The following RAD51B variants were observed in gnomAD, a reference collection of about 807,000 sequenced individuals.
RAD51B encodes the protein DNA repair protein RAD51 homolog 2.
In RAD51B, 38 loss-of-function variants were observed where a neutral mutation model predicts 42.2. The observed-to-expected ratio is 0.90, with a 90% CI of 0.70 to 1.18. RAD51B has a LOEUF of 1.18. Ranked by LOEUF, RAD51B falls within the 50% of genes most tolerant of loss-of-function variation. RAD51B has a pLI of 0.00. For synonymous variants in RAD51B, 154 were observed against 145.2 expected (o/e 1.06, Z -0.43); for missense variants, 373 against 400.7 (o/e 0.93, Z 0.59).
At chr14:68,211,869 T>G (rs2079716099) in intron 7 of RAD51B, among the ~76,000 whole-genome samples, 1 of 152,218 alleles carries the variant, frequency 6.6e-6, no homozygotes, top group African/African-American at 2.4e-5. Flanking sequence ...AAGTCCTTCT[T>G]TGTTGGAAAT....
chr14:67,937,470 G>C (rs2085837679), intron 7 of RAD51B, among the ~76,000 whole-genome samples: 1 of 152,192 alleles, frequency 6.6e-6, no homozygotes, highest in African/African-American at 2.4e-5. Context: ...CACCACCAGA[G>C]AAATCTCCTC....
rs1010128070 is a variant in RAD51B, at chr14:67,866,738, T to C, written c.452+1599T>C. On this transcript the variant is annotated intron_variant, in intron 5 of 10. Coordinates refer to ENST00000471583, the MANE Select transcript of RAD51B (RefSeq NM_133510.4). ...ACTTGTCTGCATTTTCCAAATGAATTTGTGGAGAGTCTTATGTTTTTTGTC... is the reference window on the plus strand; with the variant it reads ...ACTTGTCTGCATTTTCCAAATGAATCTGTGGAGAGTCTTATGTTTTTTGTC... Among the ~76,000 whole-genome samples the C allele has an allele frequency of 2.0e-5, 3 of 152,186 alleles. No homozygotes were observed. The East Asian group carries it at 5.8e-4, about 29-fold the overall frequency.
At chr14:68,242,978 TAGG>T in intron 7 of RAD51B, among the ~76,000 whole-genome samples, 1 of 152,308 alleles carries the variant, frequency 6.6e-6, no homozygotes, top group Non-Finnish European at 1.5e-5. Context: ...ATACTCCCCA[TAGG>T]AGGACAGCAA....
chr14:68,602,988 A>G (rs1213253077), intron 10 of RAD51B, among the ~76,000 whole-genome samples: 27 of 152,220 alleles, frequency 1.8e-4, no homozygotes, highest in Non-Finnish European at 1.5e-5. Context: ...ATAAATAATG[A>G]GGAGCCTTTG....
At position 68,234,326 on chromosome 14, in the gene RAD51B, G is replaced by A. The variant is rs150273351; in HGVS notation, c.757-57558G>A. Among the ~76,000 whole-genome samples, 265 of 152,322 alleles carry A rather than the reference G, an allele frequency of 1.7e-3. 2 individuals are homozygous for A. The highest frequency in any genetic ancestry group is 6.1e-3 in the African/African-American group (254 of 41,566). ...CACTAATGAGAAGAGACATTCAGGT[G>A]GAGAAGTCCAATGGACGACAATAGT... is the stretch of plus-strand genomic sequence containing the variant. On this transcript the variant is annotated intron_variant, in intron 7 of 10. Coordinates refer to ENST00000471583, the MANE Select transcript of RAD51B (RefSeq NM_133510.4).
chr14:68,414,085 G>C (rs954307321), intron 9 of RAD51B, among the ~76,000 whole-genome samples: 6 of 152,246 alleles, frequency 3.9e-5, no homozygotes, highest in African/African-American at 1.2e-4. Flanking sequence ...GGCCTGGAAG[G>C]GGGTCAGGTC....
chr14:68,455,561 CA>C (rs1000660299), intron 9 of RAD51B, among the ~76,000 whole-genome samples: 8 of 150,390 alleles, frequency 5.3e-5, no homozygotes, highest in Non-Finnish European at 8.9e-5. Flanking sequence ...ACTAAAAATA[CA>C]AAAAAAAATT....
intron 10 of RAD51B, among the ~76,000 whole-genome samples, chr14:68,522,671 G>A (rs1317250904): frequency 2.6e-5 from 4 of 152,056 alleles, no homozygotes; most frequent in African/African-American, 4.8e-5. Context: ...AACAATTATC[G>A]AAGTGCCTTT....
intron 7 of RAD51B, among the ~76,000 whole-genome samples, chr14:68,060,732 G>T (rs868243498): frequency 6.6e-5 from 10 of 152,018 alleles, no homozygotes; most frequent in African/African-American, 1.9e-4. Flanking sequence ...ACGTAATAGG[G>T]GAAAAAATGC....
Position 68,070,044 on chromosome 14 carries a change from G to A in RAD51B, c.756+182840G>A, listed in dbSNP as rs144026227. ...CATTTCCCTAATGGTTAGTGTTATT[G>A]AGCATTTTTTTCATGTGCTTGTTGG... is the stretch of plus-strand genomic sequence containing the variant. On this transcript the variant is annotated intron_variant, in intron 7 of 10. Coordinates refer to ENST00000471583, the MANE Select transcript of RAD51B (RefSeq NM_133510.4). Among the ~76,000 whole-genome samples, 508 of 152,110 alleles carry A rather than the reference G, an allele frequency of 3.3e-3. 2 individuals are homozygous for A. Among genetic ancestry groups the A allele is most frequent in the Non-Finnish European group, 4.7e-3 (318 of 67,944 alleles).
chr14:68,013,591 A>G (rs1011772792), intron 7 of RAD51B, among the ~76,000 whole-genome samples: 2 of 152,248 alleles, frequency 1.3e-5, no homozygotes, highest in African/African-American at 4.8e-5. Context: ...CATTTAATCC[A>G]TAACAGTCTT....
intron 7 of RAD51B, among the ~76,000 whole-genome samples, chr14:68,266,906 C>T (rs992264074): frequency 6.6e-6 from 1 of 152,214 alleles, no homozygotes; most frequent in Non-Finnish European, 1.5e-5. Flanking sequence ...TGTTTTATCA[C>T]AAATATCAGC....
intron 7 of RAD51B, among the ~76,000 whole-genome samples, chr14:67,940,156 C>T (rs774120832): frequency 1.4e-5 from 2 of 139,682 alleles, no homozygotes; most frequent in Non-Finnish European, 3.0e-5. Flanking sequence ...TCACTGCAAC[C>T]TCTGCCTCCC....
At chr14:68,397,823 G>A (rs150128108) in intron 8 of RAD51B, among the ~76,000 whole-genome samples, 84 of 152,290 alleles carry the variant, frequency 5.5e-4, no homozygotes, top group African/African-American at 2.0e-3. Flanking sequence ...AAACAAAAAC[G>A]TTCGGGTTCT....
At chr14:67,894,037 A>G (rs2043323301) in intron 7 of RAD51B, among the ~76,000 whole-genome samples, 1 of 152,176 alleles carries the variant, frequency 6.6e-6, no homozygotes, top group Non-Finnish European at 1.5e-5. Context: ...ACTATTTGCT[A>G]ATTTTATGAC....
intron 5 of RAD51B, among the ~76,000 whole-genome samples, chr14:67,871,723 A>G (rs924605390): frequency 6.6e-5 from 10 of 152,148 alleles, no homozygotes; most frequent in African/African-American, 2.4e-4. Context: ...GCAACACATC[A>G]AAAAGCTTAT....
Position 68,428,517 on chromosome 14 carries a change from G to C in RAD51B, c.957+16990G>C, listed in dbSNP as rs534795089. 5.3e-5 allele frequency among the ~76,000 whole-genome samples: 8 copies of C among 151,586 alleles called. No homozygotes were observed. In the South Asian group the frequency reaches 1.2e-3, roughly 24 times the overall value. On this transcript the variant is annotated intron_variant, in intron 9 of 10. Transcript: ENST00000471583. ...CTGAAACGGTGTATCCATTGAAAGA[G>C]AACTCCCCATTTTCCACTTCTCCCA...
At chr14:68,090,059 A>G (rs1298738624) in intron 7 of RAD51B, among the ~76,000 whole-genome samples, 4 of 152,208 alleles carry the variant, frequency 2.6e-5, no homozygotes, top group African/African-American at 9.7e-5. Context: ...GGTTTTCCAG[A>G]GTGGCCAAAT....
intron 10 of RAD51B, among the ~76,000 whole-genome samples, chr14:68,526,059 C>A (rs896243582): frequency 6.6e-6 from 1 of 152,152 alleles, no homozygotes; most frequent in African/African-American, 2.4e-5. Flanking sequence ...ACCATCATAG[C>A]GCCTCAGTTT....
Sources: allele counts gnomAD v4.1 joint callset (sites outside exome capture counted in the v4.1 genomes callset), GRCh38; gene constraint gnomAD v4.1.1; transcripts MANE v1.5; gene names NCBI Gene and HGNC (gene_info 2026-07-23, HGNC 2026-07-21).